The following ATP1A4 variants were observed in gnomAD, a reference collection of about 807,000 sequenced individuals.
The protein encoded by ATP1A4 is sodium/potassium-transporting ATPase subunit alpha-4.
A neutral mutation model predicts 114.3 loss-of-function variants in ATP1A4; 90 were observed. That is an observed-to-expected ratio of 0.79 (90% CI 0.66 to 0.94). ATP1A4 has a LOEUF of 0.94. ATP1A4 is among the 40% of genes least tolerant of loss of function. The pLI is 0.00. For synonymous variants in ATP1A4, 511 were observed against 494.1 expected, an observed-to-expected ratio of 1.03 and a Z score of -0.45; for missense variants, 1,222 against 1,313.6, an observed-to-expected ratio of 0.93 and a Z score of 1.08.
chr1:160,183,978 A>T (rs1288091496), intron 20 of ATP1A4, among the ~76,000 whole-genome samples: 1 of 131,858 alleles, frequency 7.6e-6, no homozygotes, highest in African/African-American at 2.8e-5. Context: ...TTTGAGATGG[A>T]GTGTCACTCT....
chr1:160,175,186 T>TTG (rs1653416305), intron 15 of ATP1A4, among the ~76,000 whole-genome samples: 1 of 152,114 alleles, frequency 6.6e-6, no homozygotes, highest in South Asian at 2.1e-4. Flanking sequence ...GACCCGTGAA[T>TTG]TGACTGCATG....
In ATP1A4 at chr1:160,181,756, T is replaced by C; in HGVS notation, c.2809T>C (p.Trp937Arg). ...AFFVTIVVVQ[W>R]ADLIISKTRR... ...TTTTGTCACCATCGTGGTTGTGCAG[T>C]GGGCGGATCTCATCATCTCCAAGAC... Residue 937 changes from tryptophan to arginine, a missense_variant, in exon 19 of 22, where the codon TGG becomes CGG. Physicochemically the swap from Trp to Arg is moderately radical, Grantham distance 101 (BLOSUM62 -3). Coordinates refer to ENST00000368081, the MANE Select transcript of ATP1A4 (RefSeq NM_144699.4). The C allele has an allele frequency of 2.5e-6, 4 of 1,614,034 alleles. No homozygotes were observed. Among genetic ancestry groups the C allele is most frequent in the Non-Finnish European group, 3.4e-6 (4 of 1,180,012 alleles).
intron 20 of ATP1A4, 68 bp from the exon 21 acceptor site, chr1:160,186,208 T>A: frequency 2.8e-6 from 3 of 1,063,810 alleles, no homozygotes; most frequent in Non-Finnish European, 4.4e-6. Context: ...TTCCTGTGCA[T>A]TGCCCTCTGC....
intron 7 of ATP1A4, among the ~76,000 whole-genome samples, chr1:160,166,002 G>A (rs1262181344): frequency 6.6e-6 from 1 of 152,134 alleles, no homozygotes; most frequent in African/African-American, 2.4e-5. Flanking sequence ...AGGCACGGTG[G>A]CTCACATCTA....
chr1:160,186,490 C>A, intron 21 of ATP1A4, 123 bp downstream of exon 21: 1 of 1,065,830 alleles, frequency 9.4e-7, no homozygotes, highest in Non-Finnish European at 1.4e-6. Context: ...CCAGCCTTGA[C>A]TGCGCCTGGA....
At position 160,151,752 on chromosome 1, in the gene ATP1A4, C is replaced by G. The variant is rs1338027946; in HGVS notation, c.-289C>G. The G allele has an allele frequency of 1.6e-5, 5 of 320,210 alleles. No homozygotes were observed. Among genetic ancestry groups the G allele is most frequent in the Non-Finnish European group, 2.9e-5 (5 of 172,248 alleles). 19.8% of individuals were successfully genotyped at this position (320,210 alleles called of 1,614,324 possible). On this transcript the variant is annotated 5_prime_UTR_variant, in exon 1 of 22. The change creates a new upstream start codon in the 5' untranslated region. Transcript: ENST00000368081. ...CATTCCCTCACCTCTACCTTTTTAT[C>G]CTTCCACCCTAGGCTTCTCTCCTCC...
chr1:160,162,253 T>C (rs1652887319), intron 6 of ATP1A4, among the ~76,000 whole-genome samples: 1 of 152,170 alleles, frequency 6.6e-6, no homozygotes, highest in Non-Finnish European at 1.5e-5. Context: ...ATTTCAATGG[T>C]AGAAATTTCA....
chr1:160,178,311 C>T (rs765253184), intron 18 of ATP1A4, among the ~76,000 whole-genome samples: 1 of 151,936 alleles, frequency 6.6e-6, no homozygotes, highest in Non-Finnish European at 1.5e-5. Context: ...GCCAAGATCA[C>T]GCCATTGCAC....
Position 160,152,111 on chromosome 1 carries a change from G to A in ATP1A4, c.71G>A (p.Gly24Glu), listed in dbSNP as rs1175362957. The change falls in exon 1 of 22, where the codon GGG (glycine) becomes GAG (glutamate). Residue 24 changes from glycine (G) to glutamate (E), a missense_variant. Transcript: ENST00000368081. ...AGTCCAAGACGAAGACCTAAAAAAG[G>A]GCTTATCAAGAAAAAAATGGTGAAG... ...DQSPRRRPKK[G>E]LIKKKMVKRE... 1.2e-6 allele frequency: 2 copies of A among 1,614,008 alleles called. No homozygotes were observed. The highest frequency in any genetic ancestry group is 1.1e-5 in the South Asian group (1 of 91,078).
chr1:160,164,820 C>T (rs1026717419), intron 7 of ATP1A4, among the ~76,000 whole-genome samples: 1 of 152,194 alleles, frequency 6.6e-6, no homozygotes. Context: ...TCAACCAGTG[C>T]TGAATATCCT....
intron 20 of ATP1A4, among the ~76,000 whole-genome samples, chr1:160,184,245 C>T (rs1653807062): frequency 6.6e-6 from 1 of 152,138 alleles, no homozygotes; most frequent in African/African-American, 2.4e-5. Context: ...GCCACCGCAC[C>T]TGGCCTTGAT....
chr1:160,157,180 T>C lies in ATP1A4; in HGVS notation c.525+1022T>C, dbSNP rs1471987325. 3.3e-5 allele frequency among the ~76,000 whole-genome samples: 5 copies of C among 152,058 alleles called. No homozygotes were observed. The East Asian group carries it at 9.6e-4, about 29-fold the overall frequency. On this transcript the variant is annotated intron_variant, in intron 4 of 21. Coordinates refer to ENST00000368081, the MANE Select transcript of ATP1A4 (RefSeq NM_144699.4). ...GAGAAAGTAATGCTTTATTTTTACT[T>C]TTTTATTTTGAGCTTTTATTTTAGA...
At chr1:160,162,935 G>A (rs1160748313) in intron 6 of ATP1A4, among the ~76,000 whole-genome samples, 2 of 152,056 alleles carry the variant, frequency 1.3e-5, no homozygotes. Flanking sequence ...AATAAAATTG[G>A]GTATTTCAGG....
At chr1:160,176,346 C>A in intron 16 of ATP1A4, 100 bp downstream of exon 16, 1 of 1,586,070 alleles carries the variant, frequency 6.3e-7, no homozygotes. Flanking sequence ...TGACAACCCA[C>A]TTATGATCCA....
chr1:160,173,466 G>A, intron 12 of ATP1A4, 115 bp from the exon 13 acceptor site: 1 of 1,425,196 alleles, frequency 7.0e-7, no homozygotes, highest in Non-Finnish European at 9.6e-7. Flanking sequence ...TTGGGAATGA[G>A]CGACTAAAAC....
intron 20 of ATP1A4, 66 bp from the exon 21 acceptor site, chr1:160,186,210 G>T: frequency 9.3e-7 from 1 of 1,078,720 alleles, no homozygotes; most frequent in Non-Finnish European, 1.4e-6. Flanking sequence ...CCTGTGCATT[G>T]CCCTCTGCAC....
At chr1:160,168,050 C>T (rs559359322) in intron 10 of ATP1A4, among the ~76,000 whole-genome samples, 166 of 152,228 alleles carry the variant, frequency 1.1e-3, no homozygotes, top group African/African-American at 3.9e-3. Flanking sequence ...TTTTCATTTC[C>T]CAGGAACATT....
chr1:160,155,555 A>G (rs1009313242), intron 3 of ATP1A4, among the ~76,000 whole-genome samples: 5 of 151,974 alleles, frequency 3.3e-5, no homozygotes, highest in Non-Finnish European at 7.4e-5. Flanking sequence ...ATAAACCAAA[A>G]TCCCTAATAC....
At chr1:160,165,265 A>G (rs927003125) in intron 7 of ATP1A4, among the ~76,000 whole-genome samples, 7 of 152,360 alleles carry the variant, frequency 4.6e-5, no homozygotes, top group East Asian at 1.9e-4. Flanking sequence ...TTATGTAAAT[A>G]CATTATAACC....
Sources: allele counts gnomAD v4.1 joint callset (sites outside exome capture counted in the v4.1 genomes callset), GRCh38; gene constraint gnomAD v4.1.1; transcripts MANE v1.5; gene names NCBI Gene and HGNC (gene_info 2026-07-23, HGNC 2026-07-21).